NEK11: variants seen among roughly 807,000 people sequenced by gnomAD.
The protein encoded by NEK11 is NIMA related kinase 11.
In NEK11, 72 loss-of-function variants were observed where a neutral mutation model predicts 80.7. That is an observed-to-expected ratio of 0.89 (90% CI 0.74 to 1.08). The LOEUF (loss-of-function observed/expected upper bound fraction) is 1.08, where lower values mean the gene tolerates loss of function less well. Among genes scored for constraint, NEK11 ranks in the 50% least tolerant of loss-of-function variants. The pLI, the probability that NEK11 is intolerant of heterozygous loss-of-function variation, is 0.00. For missense variants in NEK11, 764 were observed against 763.6 expected, an observed-to-expected ratio of 1.00 and a Z score of -0.01; for synonymous variants, 251 against 260.7, an observed-to-expected ratio of 0.96 and a Z score of 0.36.
At chr3:131,289,347 A>G (rs149258635) in intron 17 of NEK11, among the ~76,000 whole-genome samples, 1 of 152,280 alleles carries the variant, frequency 6.6e-6, no homozygotes, top group East Asian at 1.9e-4. Flanking sequence ...CAAATATACA[A>G]ATATTCAGAG....
At chr3:131,192,986 G>C (rs1415172657) in intron 14 of NEK11, among the ~76,000 whole-genome samples, 2 of 152,102 alleles carry the variant, frequency 1.3e-5, no homozygotes, top group African/African-American at 4.8e-5. Context: ...CTTAAAAATT[G>C]CTTGGGACAC....
intron 17 of NEK11, among the ~76,000 whole-genome samples, chr3:131,346,255 C>G (rs1191462725): frequency 6.6e-6 from 1 of 151,968 alleles, no homozygotes; most frequent in African/African-American, 2.4e-5. Flanking sequence ...CTATAGTAAC[C>G]ATTTTATTAT....
intron 17 of NEK11, among the ~76,000 whole-genome samples, chr3:131,310,011 A>C (rs1309548072): frequency 2.0e-5 from 3 of 148,118 alleles, no homozygotes; most frequent in African/African-American, 2.5e-5. Flanking sequence ...AAAAAAAAAA[A>C]AAAAAAAAAA....
At position 131,186,212 on chromosome 3, in the gene NEK11, C is replaced by T. The variant is rs1329393050; in HGVS notation, c.1399+15325C>T. Among the ~76,000 whole-genome samples, 5 of 152,158 alleles carry T rather than the reference C, an allele frequency of 3.3e-5. No individual in the cohort carries two copies. The East Asian group carries it at 9.6e-4, about 29-fold the overall frequency. ...TATAATTTTAGCCCATAAACACCTT[C>T]ACTATATGAATTAAGAATAATTTAG... On this transcript the variant is annotated intron_variant, in intron 14 of 17. Coordinates refer to ENST00000383366, the MANE Select transcript of NEK11 (RefSeq NM_024800.5).
chr3:131,107,158 A>G (rs1026287122), intron 4 of NEK11, among the ~76,000 whole-genome samples: 6 of 152,036 alleles, frequency 3.9e-5, no homozygotes, highest in South Asian at 4.2e-4. Flanking sequence ...CAAGTAACCA[A>G]TTTTATCTGG....
At chr3:131,027,460 T>G (rs182397741) in intron 1 of NEK11, 2 of 152,136 alleles carry the variant, frequency 1.3e-5, no homozygotes. Flanking sequence ...CATCTAGCTT[T>G]CTTAACTAAC....
At chr3:131,282,896 A>G (rs1344688) in intron 17 of NEK11, among the ~76,000 whole-genome samples, 1 of 152,070 alleles carries the variant, frequency 6.6e-6, no homozygotes, top group East Asian at 1.9e-4. Flanking sequence ...ACCAGCTCAG[A>G]TTTTGAACTG....
At chr3:131,105,442 C>A (rs887946885) in intron 4 of NEK11, among the ~76,000 whole-genome samples, 1 of 152,142 alleles carries the variant, frequency 6.6e-6, no homozygotes, top group Admixed American at 6.5e-5. Flanking sequence ...CTTCTACAGA[C>A]TTTTTGTATT....
intron 13 of NEK11, 148 bp downstream of exon 13, chr3:131,169,085 A>C (rs897179843): frequency 5.4e-6 from 3 of 557,992 alleles, no homozygotes; most frequent in Non-Finnish European, 9.6e-6. Context: ...ATTGAGCTGA[A>C]AAAGATGAAA....
At chr3:131,056,767 A>AT (rs762928557) in intron 3 of NEK11, among the ~76,000 whole-genome samples, 2 of 152,032 alleles carry the variant, frequency 1.3e-5, no homozygotes, top group Non-Finnish European at 2.9e-5. Flanking sequence ...AGGGCCTCCC[A>AT]TTTCTGCCTT....
intron 7 of NEK11, among the ~76,000 whole-genome samples, chr3:131,144,058 G>C (rs1224203193): frequency 2.0e-5 from 3 of 152,174 alleles, no homozygotes; most frequent in African/African-American, 7.2e-5. Context: ...GAGTCTGGCA[G>C]ATTTTGAAGG....
At chr3:131,338,700 G>C (rs2097236209) in intron 17 of NEK11, among the ~76,000 whole-genome samples, 1 of 152,224 alleles carries the variant, frequency 6.6e-6, no homozygotes, top group Non-Finnish European at 1.5e-5. Context: ...CAGTTTAGAT[G>C]AATCTCAAAG....
intron 5 of NEK11, among the ~76,000 whole-genome samples, chr3:131,110,785 G>A (rs1246221856): frequency 2.8e-4 from 42 of 152,208 alleles, no homozygotes; most frequent in Non-Finnish European, 1.5e-5. Context: ...TGTGTCATCT[G>A]TACTTTCTGA....
intron 3 of NEK11, among the ~76,000 whole-genome samples, chr3:131,070,620 A>G (rs1193656437): frequency 1.3e-5 from 2 of 152,184 alleles, no homozygotes; most frequent in African/African-American, 2.4e-5. Flanking sequence ...CACAACGACA[A>G]GTTGTTTTTG....
intron 17 of NEK11, among the ~76,000 whole-genome samples, chr3:131,326,930 A>C (rs1273130610): frequency 6.6e-6 from 1 of 152,230 alleles, no homozygotes; most frequent in East Asian, 1.9e-4. Flanking sequence ...TTTACAAAAG[A>C]GGTCTCAGAG....
At chr3:131,213,487 C>T (rs2094703975) in intron 14 of NEK11, among the ~76,000 whole-genome samples, 1 of 152,142 alleles carries the variant, frequency 6.6e-6, no homozygotes, top group South Asian at 2.1e-4. Flanking sequence ...TTCCAATGTA[C>T]ATGACAGAAA....
intron 16 of NEK11, among the ~76,000 whole-genome samples, chr3:131,244,709 G>GCCT (rs2095571151): frequency 6.6e-6 from 1 of 152,006 alleles, no homozygotes; most frequent in African/African-American, 2.4e-5. Flanking sequence ...ATCACTCGAG[G>GCCT]TCAGGAGTTT....
At chr3:131,170,981 G>GA (rs1190196834) in intron 14 of NEK11, 94 bp downstream of exon 14, 2 of 850,136 alleles carry the variant, frequency 2.4e-6, no homozygotes, top group Non-Finnish European at 4.1e-6. Flanking sequence ...GCCTCTGGGA[G>GA]AAGCTCTGAG....
chr3:131,111,621 A>G (rs1225664174), intron 5 of NEK11, among the ~76,000 whole-genome samples: 1 of 152,166 alleles, frequency 6.6e-6, no homozygotes, highest in African/African-American at 2.4e-5. Flanking sequence ...CATGACCTTG[A>G]GCAAGCTGGT....
Sources: gnomAD v4.1 joint callset for allele counts (sites outside exome capture counted in the v4.1 genomes callset) on GRCh38, gnomAD v4.1.1 for gene constraint, MANE v1.5 for transcripts, NCBI Gene and HGNC (gene_info 2026-07-23, HGNC 2026-07-21) for gene names.